The following MRC2 variants were observed in gnomAD, a reference collection of about 807,000 sequenced individuals.
MRC2 encodes C-type mannose receptor 2.
MRC2 carries 84 observed loss-of-function variants against 206.2 expected under a neutral mutation model. The ratio of observed to expected loss-of-function variants is 0.41; its 90% CI spans 0.34 to 0.49. MRC2 has a LOEUF of 0.49. MRC2 is among the 20% of genes least tolerant of loss of function. The pLI, the probability that MRC2 is intolerant of heterozygous loss-of-function variation, is 0.31. For synonymous variants in MRC2, 798 were observed against 800.0 expected, an observed-to-expected ratio of 1.00 and a Z score of 0.04; for missense variants, 1,676 against 2,001.5, an observed-to-expected ratio of 0.84 and a Z score of 3.10.
chr17:62,680,751 G>C lies in MRC2; in HGVS notation c.2474-49G>C. 1 of 1,482,604 alleles carries C rather than the reference G, an allele frequency of 6.7e-7. No individual in the cohort carries two copies. The allele number at this position is 1,482,604 out of a possible 1,614,324, so 91.8% of individuals were successfully genotyped here. ...GCCGCGCCCGCCTCCGGGGCCTGGC[G>C]TGCAGCCTCTGCCTGGCCGCCGCTC... On this transcript the variant is annotated intron_variant, in intron 16 of 29. Transcript: ENST00000303375. This position sits in a 1 kb window ranked among gnomAD's most constrained non-coding sequence, Gnocchi z 4.8.
intron 1 of MRC2, among the ~76,000 whole-genome samples, chr17:62,656,679 G>C (rs919800216): frequency 6.6e-6 from 1 of 152,232 alleles, no homozygotes; most frequent in East Asian, 1.9e-4. Context: ...TGACAGGTCA[G>C]AGGAGGTCCT....
chr17:62,642,154 T>G (rs990750572), intron 1 of MRC2, among the ~76,000 whole-genome samples: 1 of 152,178 alleles, frequency 6.6e-6, no homozygotes, highest in Non-Finnish European at 1.5e-5. Context: ...AGAATTCAAT[T>G]AGGTGTCATG....
intron 20 of MRC2, among the ~76,000 whole-genome samples, chr17:62,684,569 T>C (rs1333928618): frequency 6.6e-6 from 1 of 152,210 alleles, no homozygotes; most frequent in Non-Finnish European, 1.5e-5. Context: ...CAGGCTGATT[T>C]ATTAGACCTG....
At chr17:62,631,242 C>T (rs556433914) in intron 1 of MRC2, among the ~76,000 whole-genome samples, 7 of 152,174 alleles carry the variant, frequency 4.6e-5, no homozygotes, top group Non-Finnish European at 8.8e-5. Context: ...AGGGATGGAG[C>T]GATGGCACCC....
chr17:62,664,835 G>A lies in MRC2; in HGVS notation c.406G>A (p.Ala136Thr), dbSNP rs377474190. 5 of 1,613,652 alleles carry A rather than the reference G, an allele frequency of 3.1e-6. No homozygotes were observed. Among genetic ancestry groups the A allele is most frequent in the Admixed American group, 1.7e-5 (1 of 60,012 alleles). The change falls in exon 2 of 30, where the codon GCC becomes ACC. Residue 136 changes from alanine to threonine, a missense_variant. Physicochemically the swap from Ala to Thr is moderately conservative, Grantham distance 58. Around this residue, in one of 3 missense-constraint regions of MRC2, gnomAD observed 318 missense variants for 346.7 expected, o/e 0.92. Coordinates refer to ENST00000303375, the MANE Select transcript of MRC2 (RefSeq NM_006039.5). The surrounding 1 kb of genome is among the most constrained non-coding windows in gnomAD (Gnocchi z 4.7). The stretch of plus-strand genomic sequence containing the variant: ...TGACCAGCTGTCCTTGCTCCTGGGG[G>A]CCCGCACCAGCAACATATCCAAGCC... ...LGDQLSLLLG[A>T]RTSNISKPGT...
At chr17:62,648,174 C>T (rs563476052) in intron 1 of MRC2, among the ~76,000 whole-genome samples, 4 of 152,300 alleles carry the variant, frequency 2.6e-5, no homozygotes, top group East Asian at 1.9e-4. Context: ...GAGGCCCAGG[C>T]GGGCGGATCA....
intron 28 of MRC2, among the ~76,000 whole-genome samples, chr17:62,691,632 G>A (rs1228472046): frequency 3.9e-5 from 6 of 152,082 alleles, no homozygotes; most frequent in Admixed American, 2.6e-4. Flanking sequence ...TTAGCTGGGC[G>A]TGGTAGCACA....
chr17:62,641,895 CTG>C (rs4058579), intron 1 of MRC2, among the ~76,000 whole-genome samples: 21 of 150,012 alleles, frequency 1.4e-4, no homozygotes, highest in South Asian at 8.5e-4. Flanking sequence ...ATCTCACTCT[CTG>C]TGTGTGTGTG....
chr17:62,680,094 G>T lies in MRC2; in HGVS notation c.2299-76G>T. 6.3e-7 allele frequency: 1 copy of T among 1,595,078 alleles called. No homozygotes were observed. Among genetic ancestry groups the T allele is most frequent in the Non-Finnish European group, 8.6e-7 (1 of 1,168,450 alleles). Reference sequence around the variant, plus strand: ...ATTCGCAGCTCAGGCCAGGCCTCTTGTTCACCTGTTCCGGGCATGGGGGCG... The same window carrying T: ...ATTCGCAGCTCAGGCCAGGCCTCTTTTTCACCTGTTCCGGGCATGGGGGCG... On this transcript the variant is annotated intron_variant, in intron 14 of 29. Coordinates refer to ENST00000303375, the MANE Select transcript of MRC2 (RefSeq NM_006039.5). This position sits in a 1 kb window ranked among gnomAD's most constrained non-coding sequence, Gnocchi z 4.8.
chr17:62,655,196 G>A (rs1378241278), intron 1 of MRC2, among the ~76,000 whole-genome samples: 1 of 151,184 alleles, frequency 6.6e-6, no homozygotes, highest in Non-Finnish European at 1.5e-5. Flanking sequence ...TGAGGCAGGA[G>A]AATGGCATGA....
In MRC2 at chr17:62,630,680, C is replaced by A. The variant is rs146565879; in HGVS notation, c.118+2760C>A. ...GAGGGGATAGTTGCTGGGAAAGGGG[C>A]TTCTGGGAGCTCCAGGGATCAAGTC... On this transcript the variant is annotated intron_variant, in intron 1 of 29. Coordinates refer to ENST00000303375, the MANE Select transcript of MRC2 (RefSeq NM_006039.5). Among the ~76,000 whole-genome samples, 252 of 152,224 alleles carry A rather than the reference C, an allele frequency of 1.7e-3. 2 individuals are homozygous for A. In the Middle Eastern group the frequency reaches 0.031, roughly 18 times the overall value.
rs1809476285 is a variant in MRC2, at chr17:62,689,588, A to G, written c.3401A>G (p.Asn1134Ser). ...CCGGGCACTGAGCTCTCCTACCTCA[A>G]CGGCACCTTCCGGCTGCTTCAGAAG... ...PAPGTELSYL[N>S]GTFRLLQKPL... The change falls in exon 24 of 30, where the codon AAC becomes AGC. Residue 1134 changes from asparagine (N) to serine (S), a missense_variant. Coordinates refer to ENST00000303375, the MANE Select transcript of MRC2 (RefSeq NM_006039.5). The G allele has an allele frequency of 6.2e-7, 1 of 1,603,588 alleles. No individual in the cohort carries two copies. Among genetic ancestry groups the G allele is most frequent in the Non-Finnish European group, 8.5e-7 (1 of 1,175,430 alleles).
At chr17:62,629,885 C>T (rs904611040) in intron 1 of MRC2, among the ~76,000 whole-genome samples, 3 of 152,194 alleles carry the variant, frequency 2.0e-5, no homozygotes, top group African/African-American at 7.2e-5. Flanking sequence ...GCAGGGGCTG[C>T]GTGTGGGCAG....
At chr17:62,684,163 A>G (rs1358601820) in intron 20 of MRC2, among the ~76,000 whole-genome samples, 3 of 152,248 alleles carry the variant, frequency 2.0e-5, no homozygotes, top group Non-Finnish European at 4.4e-5. Context: ...TGAAAATCAA[A>G]GTTATTTCAA....
chr17:62,679,655 G>T (rs767825382), intron 13 of MRC2, 145 bp from the exon 14 acceptor site: 3 of 657,692 alleles, frequency 4.6e-6, no homozygotes, highest in African/African-American at 1.8e-5. Flanking sequence ...ACGCTGTATC[G>T]ATGGGTCAAT....
In MRC2 at chr17:62,666,469, A is replaced by C. The variant is rs746479929; in HGVS notation, c.709A>C (p.Thr237Pro). 1 of 1,613,748 alleles carries C rather than the reference A, an allele frequency of 6.2e-7. No homozygotes were observed. Among genetic ancestry groups the C allele is most frequent in the Non-Finnish European group, 8.5e-7 (1 of 1,179,990 alleles). Reference sequence around the variant, plus strand: ...CGTGGTGGCAGGTAACGACTGCGAGACCTTCTGGGACAAGGACCAGCTGAC... The same window carrying C: ...CGTGGTGGCAGGTAACGACTGCGAGCCCTTCTGGGACAAGGACCAGCTGAC... ...FCPIKSNDCE[T>P]FWDKDQLTDS... is the part of the protein sequence containing the mutation. The change falls in exon 4 of 30, where the codon ACC becomes CCC. Residue 237 changes from threonine (T) to proline (P), a missense_variant. This residue lies in a region of MRC2 where 318 missense variants were observed against 346.7 expected (regional missense o/e 0.92). Coordinates refer to ENST00000303375, the MANE Select transcript of MRC2 (RefSeq NM_006039.5). The surrounding 1 kb of genome is among the most constrained non-coding windows in gnomAD (Gnocchi z 5.0).
At chr17:62,646,534 A>G (rs1244596534) in intron 1 of MRC2, among the ~76,000 whole-genome samples, 1 of 152,214 alleles carries the variant, frequency 6.6e-6, no homozygotes, top group Non-Finnish European at 1.5e-5. Context: ...TCAGACCTGA[A>G]GTCGGATGTG....
At chr17:62,665,302 C>A (rs576501930) in intron 2 of MRC2, among the ~76,000 whole-genome samples, 1 of 151,350 alleles carries the variant, frequency 6.6e-6, no homozygotes, top group South Asian at 2.1e-4. Context: ...ACTTGGGAGG[C>A]TGAGGAAGGA....
rs1369189584 is a variant in MRC2, at chr17:62,671,860, G to T, written c.1306+23G>T. 2.5e-6 allele frequency: 4 copies of T among 1,587,214 alleles called. No homozygotes were observed. Among genetic ancestry groups the T allele is most frequent in the Non-Finnish European group, 3.4e-6 (4 of 1,163,330 alleles). Reference sequence around the variant, plus strand: ...AAGGTGAGGAGCTGCCCGCCCACGTGTCTGGGTGGAGGGCAGGGCCTCCCA... The same window carrying T: ...AAGGTGAGGAGCTGCCCGCCCACGTTTCTGGGTGGAGGGCAGGGCCTCCCA... On this transcript the variant is annotated intron_variant, in intron 7 of 29. Coordinates refer to ENST00000303375, the MANE Select transcript of MRC2 (RefSeq NM_006039.5). The surrounding 1 kb of genome is among the most constrained non-coding windows in gnomAD (Gnocchi z 4.5).
Sources: allele counts gnomAD v4.1 joint callset (sites outside exome capture counted in the v4.1 genomes callset), GRCh38; gene constraint gnomAD v4.1.1; regional missense constraint gnomAD v4.1.1; non-coding constraint Gnocchi (gnomAD v3.1); transcripts MANE v1.5; gene names NCBI Gene and HGNC (gene_info 2026-07-23, HGNC 2026-07-21).